CENPP: variants seen among roughly 807,000 people sequenced by gnomAD.
CENPP encodes the protein centromere protein P.
In CENPP, 24 loss-of-function variants were observed where a neutral mutation model predicts 35.6. The observed-to-expected ratio is 0.67, with a 90% CI of 0.49 to 0.95. CENPP has a LOEUF of 0.95. Ranked by LOEUF, CENPP falls within the 40% of genes least tolerant of loss-of-function variation. The pLI is 0.00. For missense variants in CENPP, 332 were observed against 345.3 expected (o/e 0.96, Z 0.31); for synonymous variants, 120 against 125.5 (o/e 0.96, Z 0.29).
intron 5 of CENPP, among the ~76,000 whole-genome samples, chr9:92,397,163 C>T (rs1054274772): frequency 2.0e-5 from 3 of 151,920 alleles, no homozygotes; most frequent in African/African-American, 7.3e-5. Flanking sequence ...GGTAATAGAG[C>T]GAGACCCTGT....
chr9:92,398,854 G>A, intron 5 of CENPP, among the ~76,000 whole-genome samples: 1 of 152,112 alleles, frequency 6.6e-6, no homozygotes, highest in Admixed American at 6.6e-5. Flanking sequence ...TTGAGGTCAG[G>A]AGTTCAAGAC....
intron 5 of CENPP, chr9:92,500,791 T>C: frequency 6.2e-7 from 1 of 1,614,242 alleles, no homozygotes; most frequent in Non-Finnish European, 8.5e-7. Context: ...CCAGGTGGTA[T>C]AGATTTTAAG....
chr9:92,614,967 A>G lies in CENPP; in HGVS notation c.*1818A>G, dbSNP rs1445909654. The G allele has an allele frequency of 1.3e-5, 2 of 152,254 alleles. No homozygotes were observed. The highest frequency in any genetic ancestry group is 2.9e-5 in the Non-Finnish European group (2 of 68,048). 9.4% of individuals were successfully genotyped at this position (152,254 alleles called of 1,614,324 possible). ...GAGGAACTTGGTCTGGGAGGAAGAG[A>G]GAACTCGCTCCTCAACCACCCCAGA... On this transcript the variant is annotated 3_prime_UTR_variant, in exon 8 of 8. Coordinates refer to ENST00000375587, the MANE Select transcript of CENPP (RefSeq NM_001012267.3).
intron 5 of CENPP, among the ~76,000 whole-genome samples, chr9:92,397,549 C>A (rs1030085903): frequency 1.3e-5 from 2 of 152,104 alleles, no homozygotes; most frequent in African/African-American, 4.8e-5. Context: ...AGGCTTGTCT[C>A]AAATTCCTAA....
rs771496773 is a variant in CENPP at position 92,337,602 on chromosome 9, A to G, written c.351A>G (p.Gln117=). The change falls in exon 3 of 8, where the codon CAA becomes CAG. Residue 117 remains glutamine (Q), a synonymous_variant. Coordinates refer to ENST00000375587, the MANE Select transcript of CENPP (RefSeq NM_001012267.3). The part of the protein sequence containing the change: ...LSGNCHMVTF[Q]LEFQILEIQN... ...GAAATTGCCACATGGTTACATTTCA[A>G]CTTGAATTTCAGATTCTGGAAATTC... 3 of 1,606,284 alleles carry G rather than the reference A, an allele frequency of 1.9e-6. No individual in the cohort carries two copies.
chr9:92,549,006 C>T (rs1473157057), intron 5 of CENPP, among the ~76,000 whole-genome samples: 1 of 152,132 alleles, frequency 6.6e-6, no homozygotes, highest in African/African-American at 2.4e-5. Context: ...TATAAACAAG[C>T]TACAGTAATT....
At chr9:92,594,265 G>A (rs1850726279) in intron 5 of CENPP, among the ~76,000 whole-genome samples, 1 of 152,076 alleles carries the variant, frequency 6.6e-6, no homozygotes, top group Non-Finnish European at 1.5e-5. Context: ...GCCCACCTCT[G>A]GTCTCCCTCC....
At chr9:92,561,142 C>G (rs1296813825) in intron 5 of CENPP, among the ~76,000 whole-genome samples, 1 of 152,120 alleles carries the variant, frequency 6.6e-6, no homozygotes, top group African/African-American at 2.4e-5. Context: ...GAGTTACATA[C>G]CTGTTTTAAG....
intron 5 of CENPP, chr9:92,459,550 C>T: frequency 1.4e-6 from 2 of 1,384,788 alleles, no homozygotes; most frequent in Non-Finnish European, 2.0e-6. Flanking sequence ...CTTACTTGGT[C>T]TTTGCTTGAG....
At chr9:92,374,800 A>G (rs1842088674) in intron 4 of CENPP, among the ~76,000 whole-genome samples, 1 of 152,138 alleles carries the variant, frequency 6.6e-6, no homozygotes, top group African/African-American at 2.4e-5. Context: ...CATTATTTCT[A>G]TATATGGTTT....
chr9:92,481,780 C>A (rs1845921434), intron 5 of CENPP, among the ~76,000 whole-genome samples: 1 of 151,804 alleles, frequency 6.6e-6, no homozygotes, highest in East Asian at 1.9e-4. Flanking sequence ...ATAAGGAAGA[C>A]ATTTATCAAG....
intron 5 of CENPP, among the ~76,000 whole-genome samples, chr9:92,550,880 C>G (rs920430336): frequency 2.6e-5 from 4 of 152,116 alleles, no homozygotes; most frequent in African/African-American, 7.2e-5. Context: ...ACACAGCCCG[C>G]CACACTTTTC....
At chr9:92,527,417 A>G (rs1563987572) in intron 5 of CENPP, among the ~76,000 whole-genome samples, 1 of 152,210 alleles carries the variant, frequency 6.6e-6, no homozygotes, top group Admixed American at 6.5e-5. Context: ...AGGCTCTACC[A>G]TATAGCCTAG....
intron 5 of CENPP, among the ~76,000 whole-genome samples, chr9:92,395,730 T>G (rs1842866163): frequency 6.6e-6 from 1 of 152,214 alleles, no homozygotes; most frequent in East Asian, 1.9e-4. Flanking sequence ...TTATAGTATC[T>G]CATTGTGTTT....
chr9:92,545,337 G>A (rs954349540), intron 5 of CENPP, among the ~76,000 whole-genome samples: 1 of 152,226 alleles, frequency 6.6e-6, no homozygotes, highest in African/African-American at 2.4e-5. Context: ...TTCTGGGTGG[G>A]CGTGGGCTTG....
chr9:92,488,664 T>C (rs1377004355), intron 5 of CENPP, among the ~76,000 whole-genome samples: 1 of 152,174 alleles, frequency 6.6e-6, no homozygotes, highest in Non-Finnish European at 1.5e-5. Context: ...ACATATAAAT[T>C]TGATGTTTGT....
At chr9:92,544,962 T>G (rs561899180) in intron 5 of CENPP, among the ~76,000 whole-genome samples, 1 of 152,256 alleles carries the variant, frequency 6.6e-6, no homozygotes, top group South Asian at 2.1e-4. Context: ...CCTCAGGTGA[T>G]CCACCCGCCT....
rs118048718 is a variant in CENPP, at chr9:92,484,815, G to A, written c.564+104956G>A. Among the ~76,000 whole-genome samples, 941 of 152,312 alleles carry A rather than the reference G, an allele frequency of 6.2e-3. 7 individuals are homozygous for A. The highest frequency in any genetic ancestry group is 0.011 in the Non-Finnish European group (715 of 68,032). On this transcript the variant is annotated intron_variant, in intron 5 of 7. Coordinates refer to ENST00000375587, the MANE Select transcript of CENPP (RefSeq NM_001012267.3). ...TTTTGCCTCCCATATCTAGAGAGTTGAGAGGCAGTTCCTGTAAGATTGTGT... is the reference window on the plus strand; with the variant it reads ...TTTTGCCTCCCATATCTAGAGAGTTAAGAGGCAGTTCCTGTAAGATTGTGT...
intron 5 of CENPP, among the ~76,000 whole-genome samples, chr9:92,606,309 A>G (rs1462720925): frequency 1.3e-5 from 2 of 152,210 alleles, no homozygotes; most frequent in Non-Finnish European, 2.9e-5. Flanking sequence ...TTCTCCAAAG[A>G]AGGTATACAA....
Sources: gnomAD v4.1 joint callset for allele counts (sites outside exome capture counted in the v4.1 genomes callset) on GRCh38, gnomAD v4.1.1 for gene constraint, MANE v1.5 for transcripts, NCBI Gene and HGNC (gene_info 2026-07-23, HGNC 2026-07-21) for gene names.